Variants in PDE1A observed in about 807,000 individuals in gnomAD.
PDE1A encodes the protein dual specificity calcium/calmodulin-dependent 3',5'-cyclic nucleotide phosphodiesterase 1A.
A neutral mutation model predicts 61.7 loss-of-function variants in PDE1A; 35 were observed. The observed-to-expected ratio is 0.57, with a 90% CI of 0.43 to 0.75. The LOEUF (loss-of-function observed/expected upper bound fraction) is 0.75, where lower values mean the gene tolerates loss of function less well. Ranked by LOEUF, PDE1A falls within the 30% of genes least tolerant of loss-of-function variation. The probability of loss-of-function intolerance (pLI) is 0.00; values close to 1 mark genes in which losing one functional copy is unlikely to be tolerated. For missense variants in PDE1A, 597 were observed against 630.6 expected, an observed-to-expected ratio of 0.95 and a Z score of 0.57; for synonymous variants, 232 against 213.2, an observed-to-expected ratio of 1.09 and a Z score of -0.77.
At chr2:182,441,935 A>G (rs1429709821) in intron 2 of PDE1A, among the ~76,000 whole-genome samples, 1 of 152,114 alleles carries the variant, frequency 6.6e-6, no homozygotes, top group Non-Finnish European at 1.5e-5. Flanking sequence ...ATACATTAGG[A>G]ATAAAGGTCC....
At chr2:182,388,751 G>T (rs1349238958) in intron 1 of PDE1A, among the ~76,000 whole-genome samples, 1 of 151,872 alleles carries the variant, frequency 6.6e-6, no homozygotes, top group Non-Finnish European at 1.5e-5. Context: ...CTCAAGAAAG[G>T]AGGAAAGCAA....
At chr2:182,436,180 T>G (rs1684392526) in intron 2 of PDE1A, among the ~76,000 whole-genome samples, 2 of 152,040 alleles carry the variant, frequency 1.3e-5, no homozygotes. Context: ...CCCTCACTCC[T>G]TAAAAAACTC....
chr2:182,558,343 A>G, the PDE1A span, among the ~76,000 whole-genome samples: 2 of 152,110 alleles, frequency 1.3e-5, no homozygotes, highest in African/African-American at 4.8e-5. Flanking sequence ...TTGTCATAAA[A>G]AATAAGTTGA....
intron 2 of PDE1A, among the ~76,000 whole-genome samples, chr2:182,442,525 G>A (rs377297272): frequency 2.6e-5 from 4 of 151,866 alleles, no homozygotes; most frequent in African/African-American, 9.7e-5. Flanking sequence ...CTATATATGT[G>A]CAAATGTGTG....
chr2:182,299,319 T>C (rs560317527), intron 1 of PDE1A, among the ~76,000 whole-genome samples: 1 of 151,278 alleles, frequency 6.6e-6, no homozygotes, highest in African/African-American at 2.4e-5. Context: ...AGAATCTGGA[T>C]TGATATACTT....
chr2:182,268,574 A>G (rs1416362272), intron 1 of PDE1A, among the ~76,000 whole-genome samples: 1 of 152,058 alleles, frequency 6.6e-6, no homozygotes, highest in African/African-American at 2.4e-5. Flanking sequence ...TCAAATGTCA[A>G]ACTGCAGGTA....
At chr2:182,520,272 C>A (rs768556644) in intron 2 of PDE1A, among the ~76,000 whole-genome samples, 2 of 151,734 alleles carry the variant, frequency 1.3e-5, no homozygotes, top group Non-Finnish European at 3.0e-5. Flanking sequence ...CAATTCTAAG[C>A]CTTGAACACT....
chr2:182,609,762 C>A, the PDE1A span, among the ~76,000 whole-genome samples: 2 of 152,232 alleles, frequency 1.3e-5, no homozygotes, highest in African/African-American at 4.8e-5. Context: ...CAATCAGATT[C>A]CCATTCCAGA....
intron 1 of PDE1A, among the ~76,000 whole-genome samples, chr2:182,373,565 T>A (rs1227592104): frequency 6.6e-6 from 1 of 152,212 alleles, no homozygotes; most frequent in East Asian, 1.9e-4. Flanking sequence ...TGAAACAGAA[T>A]AAGGCTACTT....
chr2:182,298,956 G>C (rs1574287541), intron 1 of PDE1A, among the ~76,000 whole-genome samples: 1 of 152,124 alleles, frequency 6.6e-6, no homozygotes, highest in East Asian at 1.9e-4. Flanking sequence ...GACTACAACG[G>C]AAATTTACAA....
At chr2:182,559,074 G>A in the PDE1A span, among the ~76,000 whole-genome samples, 1 of 152,186 alleles carries the variant, frequency 6.6e-6, no homozygotes, top group Non-Finnish European at 1.5e-5. Context: ...ACCAAAGAGA[G>A]CTTTTCAAAT....
chr2:182,654,085 T>C, the PDE1A span, among the ~76,000 whole-genome samples: 11 of 152,226 alleles, frequency 7.2e-5, no homozygotes, highest in Non-Finnish European at 1.2e-4. Flanking sequence ...GACTGTATAC[T>C]ACTGTCCATC....
the PDE1A span, among the ~76,000 whole-genome samples, chr2:182,570,020 T>C: frequency 6.6e-6 from 1 of 152,198 alleles, no homozygotes; most frequent in Non-Finnish European, 1.5e-5. Flanking sequence ...TGTGCTGTGT[T>C]CCCAATCATG....
intron 1 of PDE1A, among the ~76,000 whole-genome samples, chr2:182,419,083 A>C (rs560058004): frequency 6.6e-6 from 1 of 151,702 alleles, no homozygotes; most frequent in South Asian, 2.1e-4. Flanking sequence ...AAAAAAAAAA[A>C]CATTGTACTG....
At chr2:182,368,942 T>C (rs1049685811) in intron 1 of PDE1A, among the ~76,000 whole-genome samples, 2 of 152,206 alleles carry the variant, frequency 1.3e-5, no homozygotes, top group African/African-American at 4.8e-5. Flanking sequence ...GAAAGGAAAA[T>C]GTTAGTTTTT....
intron 2 of PDE1A, among the ~76,000 whole-genome samples, chr2:182,491,460 C>A (rs1688388535): frequency 6.6e-6 from 1 of 151,868 alleles, no homozygotes; most frequent in South Asian, 2.1e-4. Context: ...ATTGGAGGTC[C>A]CAGTAGGGAA....
chr2:182,445,884 T>C (rs1012454973), intron 2 of PDE1A, among the ~76,000 whole-genome samples: 1 of 152,112 alleles, frequency 6.6e-6, no homozygotes, highest in Non-Finnish European at 1.5e-5. Context: ...TTTTTCATGA[T>C]ACTTAAATAT....
chr2:182,313,738 T>C lies in PDE1A; in HGVS notation c.54-49324A>G, dbSNP rs1012261746. Among the ~76,000 whole-genome samples the C allele has an allele frequency of 4.0e-4, 58 of 145,876 alleles. 2 individuals carry two copies. Among genetic ancestry groups the C allele is most frequent in the African/African-American group, 1.4e-3 (58 of 40,090 alleles). ...AATTTATCAATTTATTTATTTTGAG[T>C]CTTACTTTGCATATAGGATGAAACA... On this transcript the variant is annotated intron_variant, in intron 1 of 13. Transcript: ENST00000351439.
At chr2:182,533,598 G>A in the PDE1A span, among the ~76,000 whole-genome samples, 1 of 152,034 alleles carries the variant, frequency 6.6e-6, no homozygotes, top group African/African-American at 2.4e-5. Flanking sequence ...ACTTGAAGTT[G>A]AAAAATCCAG....
Sources: allele counts gnomAD v4.1 joint callset (sites outside exome capture counted in the v4.1 genomes callset), GRCh38; gene constraint gnomAD v4.1.1; transcripts MANE v1.5; gene names NCBI Gene and HGNC (gene_info 2026-07-23, HGNC 2026-07-21).